Variants in PRSS54 observed in about 807,000 individuals in gnomAD.
PRSS54 encodes serine protease 54, also known as inactive serine protease 54.
In PRSS54, 16 loss-of-function variants were observed where a neutral mutation model predicts 19.9. The ratio of observed to expected loss-of-function variants is 0.80; its 90% CI spans 0.54 to 1.22. The LOEUF (loss-of-function observed/expected upper bound fraction) is 1.22, where lower values mean the gene tolerates loss of function less well. Among genes scored for constraint, PRSS54 ranks in the 50% most tolerant of loss-of-function variants. The probability of loss-of-function intolerance (pLI) is 0.00; values close to 1 mark genes in which losing one functional copy is unlikely to be tolerated. For synonymous variants in PRSS54, 177 were observed against 195.8 expected (o/e 0.90, Z 0.80); for missense variants, 444 against 494.8 (o/e 0.90, Z 0.97).
intron 3 of PRSS54, among the ~76,000 whole-genome samples, chr16:58,291,524 C>G (rs1965040201): frequency 6.6e-6 from 1 of 152,050 alleles, no homozygotes; most frequent in Non-Finnish European, 1.5e-5. Context: ...CTGTGTCACC[C>G]AGGCTAGAGT....
At position 58,294,126 on chromosome 16, in the gene PRSS54, A is replaced by G. The variant is rs1350238338; in HGVS notation, c.-148T>C. On this transcript the variant is annotated 5_prime_UTR_variant, in exon 2 of 7. Transcript: ENST00000567164. ...CTCAATCCAGCCCAAGCCCCTGAGC[A>G]CCCCAGAGAGTTGGGTCTCTGAAAA... 2.9e-6 allele frequency: 1 copy of G among 344,228 alleles called. No individual in the cohort carries two copies. Among genetic ancestry groups the G allele is most frequent in the Non-Finnish European group, 5.4e-6 (1 of 184,062 alleles). The allele number at this position is 344,228 out of a possible 1,614,324, so 21.3% of individuals were successfully genotyped here.
intron 5 of PRSS54, among the ~76,000 whole-genome samples, chr16:58,285,560 G>A (rs763809674): frequency 1.3e-5 from 2 of 151,988 alleles, no homozygotes; most frequent in Non-Finnish European, 2.9e-5. Flanking sequence ...AACATAGCAA[G>A]ACCCCATTTC....
In PRSS54 at chr16:58,286,105, A is replaced by T; in HGVS notation, c.354T>A (p.His118Gln). The stretch of plus-strand genomic sequence containing the variant: ...TCATGGAGTTGTTATCAAAGTCCTC[A>T]TGGATGATGATGGTATTGACTGGAT... ...TEYPVNTIII[H>Q]EDFDNNSMSN... The change falls in exon 5 of 7, where the codon CAT (histidine) becomes CAA (glutamine). Residue 118 changes from histidine (H) to glutamine (Q), a missense_variant. His to Gln is a conservative substitution (Grantham distance 24, BLOSUM62 0). Coordinates refer to ENST00000567164, the MANE Select transcript of PRSS54 (RefSeq NM_001305173.2). The T allele has an allele frequency of 6.2e-7, 1 of 1,614,186 alleles. No individual in the cohort carries two copies.
At chr16:58,293,614 G>T (rs935980587) in intron 3 of PRSS54, 118 bp downstream of exon 3, 1 of 1,518,112 alleles carries the variant, frequency 6.6e-7, no homozygotes, top group Admixed American at 2.0e-5. Context: ...GCAAAGTGCC[G>T]TGAGTCATCT....
Position 58,294,073 on chromosome 16 carries a change from A to G in PRSS54, c.-95T>C. 2.0e-6 allele frequency: 1 copy of G among 496,254 alleles called. No individual in the cohort carries two copies. The highest frequency in any genetic ancestry group is 3.7e-6 in the Non-Finnish European group (1 of 273,872). The allele number at this position is 496,254 out of a possible 1,614,324, so 30.7% of individuals were successfully genotyped here. A position where few individuals can be genotyped will look rare whatever the true frequency, so the allele number is the denominator to read the frequency against. On this transcript the variant is annotated 5_prime_UTR_variant, in exon 2 of 7. Coordinates refer to ENST00000567164, the MANE Select transcript of PRSS54 (RefSeq NM_001305173.2). ...GGTTTGTGAGATGGCCAGAGAAGAG[A>G]GGGCAGCTTACTCTTGTCAGTTTTC...
At chr16:58,288,919 T>C (rs1352888635) in intron 4 of PRSS54, among the ~76,000 whole-genome samples, 1 of 152,180 alleles carries the variant, frequency 6.6e-6, no homozygotes, top group Non-Finnish European at 1.5e-5. Context: ...ACCAGTTGCA[T>C]TGTGGGTGTG....
At chr16:58,291,931 T>C (rs1437264688) in intron 3 of PRSS54, among the ~76,000 whole-genome samples, 1 of 152,166 alleles carries the variant, frequency 6.6e-6, no homozygotes, top group Non-Finnish European at 1.5e-5. Flanking sequence ...TTTTATTTTT[T>C]ATTTTTATAT....
intron 5 of PRSS54, 99 bp downstream of exon 5, chr16:58,285,838 C>T: frequency 7.2e-7 from 1 of 1,397,650 alleles, no homozygotes; most frequent in Non-Finnish European, 9.7e-7. Context: ...CTCAAGCAAA[C>T]TCCATTATTA....
At chr16:58,291,637 AC>A (rs1213905669) in intron 3 of PRSS54, among the ~76,000 whole-genome samples, 1 of 150,624 alleles carries the variant, frequency 6.6e-6, no homozygotes, top group Non-Finnish European at 1.5e-5. Context: ...GCCTGCCACT[AC>A]CCCCCGGCTA....
chr16:58,286,039 A>G lies in PRSS54; in HGVS notation c.420T>C (p.His140=), dbSNP rs1964913584. 6.2e-7 allele frequency: 1 copy of G among 1,614,090 alleles called. No homozygotes were observed. The highest frequency in any genetic ancestry group is 1.3e-5 in the African/African-American group (1 of 74,924). ...AGATGGACTGGACCAGGTTGCCAAA[A>G]TGCATCGCTGTGTCTGTCTTCAGGA... ...IALLKTDTAM[H]FGNLVQSICF... is the part of the protein sequence containing the mutation. The change falls in exon 5 of 7, where the codon CAT becomes CAC. Residue 140 remains histidine, a synonymous_variant. Transcript: ENST00000567164.
At position 58,293,757 on chromosome 16, in the gene PRSS54, C is replaced by A. The variant is rs1245008986; in HGVS notation, c.60G>T (p.Leu20=). The A allele has an allele frequency of 1.2e-5, 20 of 1,613,394 alleles. No homozygotes were observed. The highest frequency in any genetic ancestry group is 1.7e-5 in the Non-Finnish European group (20 of 1,179,756). ...DGKMRGVLLV[L]LGLLYSSTSC... The stretch of plus-strand genomic sequence containing the variant: ...TGGTGGAAGAATAGAGAAGGCCGAG[C>A]AGCACCAGGAGCACCCCTCGCATCT... Residue 20 remains leucine, a synonymous_variant, in exon 3 of 7, where the codon CTG becomes CTT. Coordinates refer to ENST00000567164, the MANE Select transcript of PRSS54 (RefSeq NM_001305173.2).
At chr16:58,290,375 T>C (rs374471433) in intron 4 of PRSS54, among the ~76,000 whole-genome samples, 2 of 152,226 alleles carry the variant, frequency 1.3e-5, no homozygotes, top group South Asian at 2.1e-4. Context: ...GTGAGAAATA[T>C]TTACCAAAAA....
Position 58,286,797 on chromosome 16 carries a change from T to C in PRSS54, c.264-602A>G, listed in dbSNP as rs548819168. The stretch of plus-strand genomic sequence containing the variant: ...ATCTCAGAGTCAAAGGAAGGGCTGA[T>C]GAAAGGAAGGATGGCAGGAGTGCAA... On this transcript the variant is annotated intron_variant, in intron 4 of 6. Coordinates refer to ENST00000567164, the MANE Select transcript of PRSS54 (RefSeq NM_001305173.2). Among the ~76,000 whole-genome samples, 10 of 151,970 alleles carry C rather than the reference T, an allele frequency of 6.6e-5. No homozygotes were observed. In the South Asian group the frequency reaches 1.5e-3, roughly 22 times the overall value.
Position 58,286,143 on chromosome 16 carries a change from C to T in PRSS54, c.316G>A (p.Ala106Thr). 1.2e-6 allele frequency: 2 copies of T among 1,614,118 alleles called. No homozygotes were observed. Residue 106 changes from alanine (A) to threonine (T), a missense_variant, in exon 5 of 7, where the codon GCT (alanine) becomes ACT (threonine). Ala to Thr is a moderately conservative substitution (Grantham distance 58, BLOSUM62 0). Coordinates refer to ENST00000567164, the MANE Select transcript of PRSS54 (RefSeq NM_001305173.2). ...GISNMDPSKI[A>T]HTEYPVNTII... ...GTATTGACTGGATACTCTGTGTGAG[C>T]AATCTTGCTAGGATCCATGTTACTT...
chr16:58,293,439 C>T, intron 3 of PRSS54: 1 of 570,368 alleles, frequency 1.8e-6, no homozygotes, highest in Non-Finnish European at 2.2e-6. Flanking sequence ...AGGGCAGGGG[C>T]TGGGAGTGAA....
chr16:58,285,646 A>G (rs143453026), intron 5 of PRSS54, among the ~76,000 whole-genome samples: 2 of 149,522 alleles, frequency 1.3e-5, no homozygotes, highest in African/African-American at 4.9e-5. Context: ...GGGCTGAGGC[A>G]GGAAGATCAC....
chr16:58,291,863 G>A (rs781073079), intron 3 of PRSS54, among the ~76,000 whole-genome samples: 6 of 152,136 alleles, frequency 3.9e-5, no homozygotes, highest in Non-Finnish European at 7.3e-5. Flanking sequence ...ATTTTCCAGA[G>A]GCTCTAGGAT....
At chr16:58,283,040 A>ATC (rs1964817854) in intron 6 of PRSS54, 1 of 152,234 alleles carries the variant, frequency 6.6e-6, no homozygotes, top group South Asian at 2.1e-4. Context: ...ACCCTACCTC[A>ATC]TCTCCCAAGG....
chr16:58,292,853 C>G (rs756800373), intron 3 of PRSS54, among the ~76,000 whole-genome samples: 11 of 152,178 alleles, frequency 7.2e-5, no homozygotes, highest in Non-Finnish European at 1.6e-4. Flanking sequence ...CTTGGAAAGC[C>G]AAGATGTAAT....
Sources: allele counts gnomAD v4.1 joint callset (sites outside exome capture counted in the v4.1 genomes callset), GRCh38; gene constraint gnomAD v4.1.1; transcripts MANE v1.5; gene names NCBI Gene and HGNC (gene_info 2026-07-23, HGNC 2026-07-21).